AGBL4: variants seen among roughly 807,000 people sequenced by gnomAD.
AGBL4 encodes AGBL carboxypeptidase 4, also known as cytosolic carboxypeptidase 6.
AGBL4 carries 58 observed loss-of-function variants against 66.4 expected under a neutral mutation model. That is an observed-to-expected ratio of 0.87 (90% CI 0.71 to 1.09). The LOEUF (loss-of-function observed/expected upper bound fraction) is 1.09, where lower values mean the gene tolerates loss of function less well. Ranked by LOEUF, AGBL4 falls within the 50% of genes least tolerant of loss-of-function variation. The probability of loss-of-function intolerance (pLI) is 0.00; values close to 1 mark genes in which losing one functional copy is unlikely to be tolerated. For missense variants in AGBL4, 579 were observed against 631.0 expected (o/e 0.92, Z 0.88); for synonymous variants, 234 against 222.9 (o/e 1.05, Z -0.44).
At chr1:49,030,426 G>A (rs1183098821) in intron 5 of AGBL4, among the ~76,000 whole-genome samples, 1 of 152,122 alleles carries the variant, frequency 6.6e-6, no homozygotes, top group African/African-American at 2.4e-5. Context: ...ATACATTTCT[G>A]TTGTTTAAGC....
In AGBL4 at chr1:49,758,442, C is replaced by T. The variant is rs146149467; in HGVS notation, c.158-61005G>A. The stretch of plus-strand genomic sequence containing the variant: ...TGGTAGATCCACCAAGAGCTTATAC[C>T]GTATGCTTGGAAAACCTGCAGGCAC... On this transcript the variant is annotated intron_variant, in intron 2 of 13. Coordinates refer to ENST00000371839, the MANE Select transcript of AGBL4 (RefSeq NM_032785.4). Among the ~76,000 whole-genome samples the T allele has an allele frequency of 5.6e-4, 85 of 152,222 alleles. 1 individual carries two copies. The East Asian group carries it at 0.012, about 22-fold the overall frequency.
intron 4 of AGBL4, among the ~76,000 whole-genome samples, chr1:49,238,290 T>C (rs1220106624): frequency 1.3e-5 from 2 of 152,210 alleles, no homozygotes; most frequent in Non-Finnish European, 2.9e-5. Flanking sequence ...CCTATCGTTC[T>C]GAAACTCCAA....
chr1:49,712,844 T>C (rs1647778963), intron 2 of AGBL4, among the ~76,000 whole-genome samples: 1 of 151,960 alleles, frequency 6.6e-6, no homozygotes. Context: ...TGTGCTTTAG[T>C]TTTTTCATCT....
At chr1:48,761,058 GA>G (rs1644232061) in intron 6 of AGBL4, 1 of 318,622 alleles carries the variant, frequency 3.1e-6, no homozygotes, top group East Asian at 5.9e-5. Context: ...GGGCCAAGGA[GA>G]AACACACCGT....
At chr1:49,111,696 CCAT>C (rs1645415567) in intron 4 of AGBL4, among the ~76,000 whole-genome samples, 1 of 152,112 alleles carries the variant, frequency 6.6e-6, no homozygotes, top group Admixed American at 6.5e-5. Context: ...TCTCTCTTTA[CCAT>C]CATATTAGAA....
chr1:49,493,661 C>A (rs1647274110), intron 3 of AGBL4, among the ~76,000 whole-genome samples: 1 of 151,996 alleles, frequency 6.6e-6, no homozygotes, highest in Non-Finnish European at 1.5e-5. Context: ...TGAGAGGAAA[C>A]TGAAATGTGG....
chr1:49,285,303 A>C (rs1432759148), intron 3 of AGBL4, among the ~76,000 whole-genome samples: 1 of 152,206 alleles, frequency 6.6e-6, no homozygotes, highest in Non-Finnish European at 1.5e-5. Context: ...GCAGAAATAA[A>C]GATGTTCTTT....
At chr1:50,006,253 G>T (rs186124975) in intron 1 of AGBL4, among the ~76,000 whole-genome samples, 1 of 151,884 alleles carries the variant, frequency 6.6e-6, no homozygotes, top group Non-Finnish European at 1.5e-5. Context: ...GCAGGAGAAT[G>T]GCATGAACCC....
At chr1:49,449,376 G>A (rs1570743571) in intron 3 of AGBL4, among the ~76,000 whole-genome samples, 1 of 152,106 alleles carries the variant, frequency 6.6e-6, no homozygotes, top group South Asian at 2.1e-4. Flanking sequence ...ACTCAAGATG[G>A]AGGGAATTAT....
intron 1 of AGBL4, among the ~76,000 whole-genome samples, chr1:49,978,802 A>G (rs1036082381): frequency 2.6e-5 from 4 of 152,250 alleles, no homozygotes; most frequent in African/African-American, 9.6e-5. Flanking sequence ...TATACTAAAG[A>G]AAATGTATTT....
intron 7 of AGBL4, among the ~76,000 whole-genome samples, chr1:48,656,939 C>A (rs1470251482): frequency 1.3e-5 from 2 of 152,158 alleles, no homozygotes; most frequent in African/African-American, 4.8e-5. Context: ...ACCCATGTAA[C>A]AAGCCTGCCC....
chr1:48,672,967 C>A (rs930478273), intron 6 of AGBL4, among the ~76,000 whole-genome samples: 3 of 85,212 alleles, frequency 3.5e-5, no homozygotes, highest in Non-Finnish European at 6.8e-5. Flanking sequence ...CTTGCCAGGC[C>A]CTTTGAAATT....
rs1045280598 is a variant in AGBL4 at position 48,534,255 on chromosome 1, C to G, written c.1430G>C (p.Arg477Pro). Residue 477 changes from arginine (R) to proline (P), a missense_variant, in exon 14 of 14, where the codon CGG becomes CCG. Transcript: ENST00000371839. ...KSPPYKHPLLRGPASNYPNSK... is the reference protein window; with the variant it reads ...KSPPYKHPLLPGPASNYPNSK... ...GTTGGGGTAGTTGCTGGCTGGGCCC[C>G]GCAGGAGTGGGTGCTTGTAAGGAGG... is the stretch of plus-strand genomic sequence containing the variant. 5.8e-6 allele frequency: 9 copies of G among 1,551,586 alleles called. No individual in the cohort carries two copies. The highest frequency in any genetic ancestry group is 1.2e-5 in the South Asian group (1 of 84,032).
At chr1:48,617,117 A>C (rs76681191) in intron 9 of AGBL4, among the ~76,000 whole-genome samples, 1 of 152,232 alleles carries the variant, frequency 6.6e-6, no homozygotes, top group Non-Finnish European at 1.5e-5. Flanking sequence ...TGAGTGTTAG[A>C]AAGCAACCAT....
At chr1:49,200,874 T>G (rs1647644738) in intron 4 of AGBL4, among the ~76,000 whole-genome samples, 1 of 152,118 alleles carries the variant, frequency 6.6e-6, no homozygotes, top group African/African-American at 2.4e-5. Flanking sequence ...TCAGCCCCTC[T>G]CCCCTCCCTG....
chr1:49,956,751 C>A (rs1656642347), intron 1 of AGBL4, among the ~76,000 whole-genome samples: 1 of 151,908 alleles, frequency 6.6e-6, no homozygotes, highest in South Asian at 2.1e-4. Flanking sequence ...TGAGGTGCCT[C>A]ATGGAATAAG....
chr1:49,667,009 TGCTTCG>T (rs1646384673), intron 3 of AGBL4, among the ~76,000 whole-genome samples: 1 of 152,174 alleles, frequency 6.6e-6, no homozygotes, highest in Non-Finnish European at 1.5e-5. Flanking sequence ...GCCACTAATA[TGCTTCG>T]TGACCTCAGA....
At chr1:49,758,623 T>A (rs1388567997) in intron 2 of AGBL4, among the ~76,000 whole-genome samples, 1 of 152,120 alleles carries the variant, frequency 6.6e-6, no homozygotes, top group Non-Finnish European at 1.5e-5. Flanking sequence ...ATGGGGCCTG[T>A]AACCCCCTTG....
chr1:49,835,473 G>A (rs1414052514), intron 2 of AGBL4, among the ~76,000 whole-genome samples: 2 of 151,932 alleles, frequency 1.3e-5, no homozygotes, highest in Admixed American at 6.6e-5. Context: ...GTCTTTGCAT[G>A]TGAGACGGGT....
Sources: gnomAD v4.1 joint callset for allele counts (sites outside exome capture counted in the v4.1 genomes callset) on GRCh38, gnomAD v4.1.1 for gene constraint, MANE v1.5 for transcripts, NCBI Gene and HGNC (gene_info 2026-07-23, HGNC 2026-07-21) for gene names.